Variants in ADAMTS17 observed in about 807,000 individuals in gnomAD.
The protein encoded by ADAMTS17 is A disintegrin and metalloproteinase with thrombospondin motifs 17.
ADAMTS17 carries 113 observed loss-of-function variants against 141.5 expected under a neutral mutation model. That is an observed-to-expected ratio of 0.80 (90% CI 0.69 to 0.93). The LOEUF is 0.93. Among genes scored for constraint, ADAMTS17 ranks in the 40% least tolerant of loss-of-function variants. The probability of loss-of-function intolerance (pLI) is 0.00; values close to 1 mark genes in which losing one functional copy is unlikely to be tolerated. For missense variants in ADAMTS17, 1,659 were observed against 1,517.9 expected (o/e 1.09, Z -1.54); for synonymous variants, 768 against 630.6 (o/e 1.22, Z -3.27).
rs533858571 is a variant in ADAMTS17 at position 100,229,585 on chromosome 15, A to G, written c.1075+24551T>C. 2.0e-3 allele frequency among the ~76,000 whole-genome samples: 302 copies of G among 152,288 alleles called. 1 individual carries two copies. Among genetic ancestry groups the G allele is most frequent in the African/African-American group, 7.0e-3 (291 of 41,568 alleles). On this transcript the variant is annotated intron_variant, in intron 7 of 21. Transcript: ENST00000268070. ...GGTCCCGCTAAACTAAAAAGGACCC[A>G]GTCTCCTGGCTGCAGTCCAAAGGAT...
chr15:100,140,875 T>G (rs754885115), intron 10 of ADAMTS17, among the ~76,000 whole-genome samples: 1 of 152,152 alleles, frequency 6.6e-6, no homozygotes, highest in Non-Finnish European at 1.5e-5. Flanking sequence ...TCCCTCCGCC[T>G]GCAGAGTTCT....
At chr15:100,024,380 A>G (rs945792919) in intron 18 of ADAMTS17, among the ~76,000 whole-genome samples, 9 of 152,162 alleles carry the variant, frequency 5.9e-5, no homozygotes, top group Non-Finnish European at 1.3e-4. Context: ...TAACTTTTTA[A>G]TGCTTGCATA....
rs1459350873 is a variant in ADAMTS17 at position 100,330,872 on chromosome 15, C to A, written c.616+17G>T. 1 of 1,613,678 alleles carries A rather than the reference C, an allele frequency of 6.2e-7. No individual in the cohort carries two copies. Among genetic ancestry groups the A allele is most frequent in the South Asian group, 1.1e-5 (1 of 91,072 alleles). On this transcript the variant is annotated intron_variant, in intron 3 of 21. Coordinates refer to ENST00000268070, the MANE Select transcript of ADAMTS17 (RefSeq NM_139057.4). ...GTGCGTGTGTTCTAAGCTGGTCATG[C>A]TGCTGCCCCGACTCACCTGTTAGAA...
intron 8 of ADAMTS17, among the ~76,000 whole-genome samples, chr15:100,159,954 C>A (rs781074238): frequency 1.3e-5 from 2 of 152,188 alleles, no homozygotes; most frequent in Non-Finnish European, 2.9e-5. Flanking sequence ...CCATGAGCTG[C>A]GTTCTGGGGA....
In ADAMTS17 at chr15:100,238,289, C is replaced by T. The variant is rs2042720547; in HGVS notation, c.1075+15847G>A. On this transcript the variant is annotated intron_variant, in intron 7 of 21. Coordinates refer to ENST00000268070, the MANE Select transcript of ADAMTS17 (RefSeq NM_139057.4). ...CTTCCCACCCTTCTTATCTGCTTTC[C>T]ATGTTCCCTTTATCGCCAGCCTCCA... Among the ~76,000 whole-genome samples the T allele has an allele frequency of 3.9e-5, 6 of 151,910 alleles. No individual in the cohort carries two copies. The South Asian group carries it at 1.2e-3, about 32-fold the overall frequency.
At chr15:100,220,384 G>A (rs911028008) in intron 7 of ADAMTS17, among the ~76,000 whole-genome samples, 5 of 152,078 alleles carry the variant, frequency 3.3e-5, no homozygotes, top group Admixed American at 6.5e-5. Context: ...TCCCCCGAAC[G>A]CTTCACTGTG....
chr15:100,211,336 A>G (rs1436197584), intron 7 of ADAMTS17, among the ~76,000 whole-genome samples: 1 of 151,190 alleles, frequency 6.6e-6, no homozygotes, highest in African/African-American at 2.4e-5. Context: ...AAGAGCTTAC[A>G]TAAAATGCAA....
chr15:100,245,029 G>A (rs765470257), intron 7 of ADAMTS17, among the ~76,000 whole-genome samples: 2 of 152,218 alleles, frequency 1.3e-5, no homozygotes, highest in Non-Finnish European at 2.9e-5. Flanking sequence ...CGCACTGTAA[G>A]GCAATGGAGC....
chr15:100,098,745 G>A (rs1451546075), intron 14 of ADAMTS17, among the ~76,000 whole-genome samples: 1 of 152,130 alleles, frequency 6.6e-6, no homozygotes, highest in Admixed American at 6.5e-5. Context: ...AGCAAACGCC[G>A]AGACCAAATC....
intron 18 of ADAMTS17, among the ~76,000 whole-genome samples, chr15:100,011,000 C>T (rs562976280): frequency 2.0e-4 from 30 of 152,118 alleles, no homozygotes; most frequent in East Asian, 1.4e-3. Flanking sequence ...TGTGAATGTG[C>T]GCGTCTCCGG....
At chr15:100,263,057 G>C (rs1169720301) in intron 4 of ADAMTS17, among the ~76,000 whole-genome samples, 1 of 152,242 alleles carries the variant, frequency 6.6e-6, no homozygotes, top group East Asian at 1.9e-4. Flanking sequence ...GCTGGAAATA[G>C]TTGGTTAAAA....
intron 10 of ADAMTS17, among the ~76,000 whole-genome samples, chr15:100,145,753 A>G (rs1195909913): frequency 2.0e-5 from 3 of 152,260 alleles, no homozygotes; most frequent in Non-Finnish European, 4.4e-5. Context: ...AATCACAGGA[A>G]TAAGCAATAT....
chr15:100,257,986 C>T (rs1270764212), intron 6 of ADAMTS17, among the ~76,000 whole-genome samples: 2 of 152,222 alleles, frequency 1.3e-5, no homozygotes, highest in African/African-American at 2.4e-5. Context: ...AGGTACCTCA[C>T]ATAAGTGGAA....
intron 2 of ADAMTS17, among the ~76,000 whole-genome samples, chr15:100,332,839 C>T (rs543503097): frequency 4.6e-5 from 7 of 152,314 alleles, no homozygotes; most frequent in African/African-American, 1.4e-4. Context: ...GTACTCGCCC[C>T]GGCAGCCACT....
chr15:100,243,428 C>A (rs777560304), intron 7 of ADAMTS17, among the ~76,000 whole-genome samples: 1 of 152,212 alleles, frequency 6.6e-6, no homozygotes, highest in East Asian at 1.9e-4. Flanking sequence ...TTTGCATTCT[C>A]ACCAGCAGTG....
chr15:100,269,532 A>C (rs534483133), intron 4 of ADAMTS17, among the ~76,000 whole-genome samples: 1 of 152,216 alleles, frequency 6.6e-6, no homozygotes, highest in Non-Finnish European at 1.5e-5. Flanking sequence ...TGAGCTCTAG[A>C]GAATGGCAAG....
chr15:100,322,851 G>A (rs944788034), intron 3 of ADAMTS17, among the ~76,000 whole-genome samples: 3 of 152,134 alleles, frequency 2.0e-5, no homozygotes, highest in African/African-American at 7.2e-5. Flanking sequence ...ACTTTGGGAG[G>A]CTGAGGCAGA....
chr15:100,101,595 CTG>C (rs2036105992), intron 14 of ADAMTS17, among the ~76,000 whole-genome samples: 1 of 152,214 alleles, frequency 6.6e-6, no homozygotes, highest in Non-Finnish European at 1.5e-5. Flanking sequence ...AGGACTGTGT[CTG>C]AGAATTCTTT....
intron 4 of ADAMTS17, among the ~76,000 whole-genome samples, chr15:100,269,690 C>G (rs1331643643): frequency 6.6e-6 from 1 of 152,132 alleles, no homozygotes; most frequent in East Asian, 1.9e-4. Flanking sequence ...GTTCTTGGGA[C>G]AGAGAAGCGG....
Sources: allele counts gnomAD v4.1 joint callset (sites outside exome capture counted in the v4.1 genomes callset), GRCh38; gene constraint gnomAD v4.1.1; transcripts MANE v1.5; gene names NCBI Gene and HGNC (gene_info 2026-07-23, HGNC 2026-07-21).